Variants in DDX10 observed in about 807,000 individuals in gnomAD.
The protein encoded by DDX10 is DEAD-box helicase 10.
DDX10 carries 74 observed loss-of-function variants against 104.3 expected under a neutral mutation model. The observed-to-expected ratio is 0.71, with a 90% CI of 0.59 to 0.86. DDX10 has a LOEUF of 0.86. DDX10 is among the 40% of genes least tolerant of loss of function. The pLI is 0.00. For missense variants in DDX10, 952 were observed against 1,040.0 expected, an observed-to-expected ratio of 0.92 and a Z score of 1.16; for synonymous variants, 351 against 353.4, an observed-to-expected ratio of 0.99 and a Z score of 0.08.
chr11:108,909,567 A>G (rs1012352516), intron 16 of DDX10, among the ~76,000 whole-genome samples: 3 of 152,054 alleles, frequency 2.0e-5, no homozygotes, highest in Non-Finnish European at 4.4e-5. Context: ...ATCATTAAGT[A>G]AAACCCTTTC....
intron 4 of DDX10, 130 bp from the exon 5 acceptor site, chr11:108,678,185 A>G: frequency 1.1e-6 from 1 of 893,718 alleles, no homozygotes; most frequent in South Asian, 3.4e-5. Flanking sequence ...ACAAGGGAAA[A>G]GTTATGTTTA....
intron 16 of DDX10, among the ~76,000 whole-genome samples, chr11:108,875,890 T>A (rs1401499317): frequency 1.3e-5 from 2 of 152,174 alleles, no homozygotes; most frequent in African/African-American, 2.4e-5. Flanking sequence ...TTTCACTGTT[T>A]TCATACAGAT....
intron 6 of DDX10, among the ~76,000 whole-genome samples, chr11:108,679,847 C>T (rs1188261564): frequency 2.0e-5 from 3 of 152,060 alleles, no homozygotes; most frequent in Admixed American, 6.5e-5. Context: ...TCTTAATAAA[C>T]GAAGGGAGAA....
chr11:108,773,102 C>A (rs2094365377), intron 13 of DDX10, among the ~76,000 whole-genome samples: 1 of 152,192 alleles, frequency 6.6e-6, no homozygotes, highest in African/African-American at 2.4e-5. Flanking sequence ...TACTTTCTCA[C>A]TGCCAACTCA....
chr11:108,857,765 T>C (rs769322520), intron 16 of DDX10, among the ~76,000 whole-genome samples: 7 of 152,372 alleles, frequency 4.6e-5, no homozygotes, highest in Non-Finnish European at 8.8e-5. Context: ...TATATGACGC[T>C]GAAGCGTTGA....
intron 13 of DDX10, among the ~76,000 whole-genome samples, chr11:108,834,746 T>C (rs1862526572): frequency 6.6e-6 from 1 of 151,782 alleles, no homozygotes; most frequent in Admixed American, 6.6e-5. Flanking sequence ...GCTAACACAG[T>C]GAAACCCTGT....
At chr11:108,903,366 T>C (rs1023439269) in intron 16 of DDX10, among the ~76,000 whole-genome samples, 3 of 152,162 alleles carry the variant, frequency 2.0e-5, no homozygotes, top group African/African-American at 7.2e-5. Context: ...TCAAGGCTCC[T>C]CCATGTTGTA....
chr11:108,736,858 A>G (rs2134490801), intron 13 of DDX10, among the ~76,000 whole-genome samples: 1 of 152,328 alleles, frequency 6.6e-6, no homozygotes, highest in Non-Finnish European at 1.5e-5. Context: ...ATAGCAGCAC[A>G]AAGCAGACTA....
At chr11:108,807,678 G>T (rs1005082916) in intron 13 of DDX10, among the ~76,000 whole-genome samples, 7 of 152,158 alleles carry the variant, frequency 4.6e-5, no homozygotes, top group African/African-American at 1.7e-4. Context: ...TGCCTTCTAG[G>T]CCTCTAGGTG....
At chr11:108,748,425 A>G (rs1016669197) in intron 13 of DDX10, among the ~76,000 whole-genome samples, 1 of 152,220 alleles carries the variant, frequency 6.6e-6, no homozygotes, top group African/African-American at 2.4e-5. Context: ...ACTGTCAACC[A>G]TCCTGGCCAA....
chr11:108,706,090 G>C (rs1189849720), intron 9 of DDX10, among the ~76,000 whole-genome samples: 1 of 151,908 alleles, frequency 6.6e-6, no homozygotes, highest in African/African-American at 2.4e-5. Context: ...TCCTACCTCA[G>C]CCTCCCTAGT....
At chr11:108,927,778 C>T (rs916002992) in intron 17 of DDX10, among the ~76,000 whole-genome samples, 1 of 152,134 alleles carries the variant, frequency 6.6e-6, no homozygotes, top group South Asian at 2.1e-4. Context: ...GCTGGGACTA[C>T]AGGCGTGCGC....
At chr11:108,929,011 A>G (rs892565500) in intron 17 of DDX10, among the ~76,000 whole-genome samples, 4 of 152,252 alleles carry the variant, frequency 2.6e-5, no homozygotes, top group Non-Finnish European at 5.9e-5. Context: ...GTCATGTAAC[A>G]TAGCCTATTC....
intron 13 of DDX10, among the ~76,000 whole-genome samples, chr11:108,739,528 C>A (rs1459190001): frequency 6.6e-6 from 1 of 152,178 alleles, no homozygotes; most frequent in Non-Finnish European, 1.5e-5. Flanking sequence ...TGGGTTACCT[C>A]TCAGGTTTGC....
intron 13 of DDX10, among the ~76,000 whole-genome samples, chr11:108,798,717 A>G (rs2615717): frequency 0.13 from 19,151 of 152,118 alleles, 1,584 homozygotes; most frequent in East Asian, 0.27. Context: ...ATGTTAGTGT[A>G]TTTGGTGTCT....
intron 14 of DDX10, among the ~76,000 whole-genome samples, chr11:108,839,554 TA>T (rs1862607804): frequency 1.3e-5 from 2 of 152,344 alleles, no homozygotes; most frequent in African/African-American, 4.8e-5. Context: ...CAGCTTTTCA[TA>T]TTAACTAATG....
intron 13 of DDX10, among the ~76,000 whole-genome samples, chr11:108,774,187 A>T (rs1276413897): frequency 6.6e-6 from 1 of 152,266 alleles, no homozygotes; most frequent in Non-Finnish European, 1.5e-5. Context: ...TTCTGTATAT[A>T]ATAAGGAAAT....
chr11:108,903,153 C>T (rs1438377771), intron 16 of DDX10, among the ~76,000 whole-genome samples: 1 of 152,118 alleles, frequency 6.6e-6, no homozygotes. Context: ...ACCAGCACCA[C>T]TATCTAATTT....
intron 13 of DDX10, among the ~76,000 whole-genome samples, chr11:108,800,442 C>CAGAAAAA (rs1862004580): frequency 1.1e-5 from 1 of 94,412 alleles, no homozygotes; most frequent in Non-Finnish European, 2.0e-5. Flanking sequence ...GAGACTCTTT[C>CAGAAAAA]AAAAAAAAAA....
Sources: gnomAD v4.1 joint callset for allele counts (sites outside exome capture counted in the v4.1 genomes callset) on GRCh38, gnomAD v4.1.1 for gene constraint, MANE v1.5 for transcripts, NCBI Gene and HGNC (gene_info 2026-07-23, HGNC 2026-07-21) for gene names.